PLAA: variants seen among roughly 807,000 people sequenced by gnomAD.
PLAA encodes phospholipase A-2-activating protein.
PLAA carries 48 observed loss-of-function variants against 84.1 expected under a neutral mutation model. That is an observed-to-expected ratio of 0.57 (90% CI 0.45 to 0.73). The LOEUF is 0.73. Among genes scored for constraint, PLAA ranks in the 30% least tolerant of loss-of-function variants. The probability of loss-of-function intolerance (pLI) is 0.00; values close to 1 mark genes in which losing one functional copy is unlikely to be tolerated. For synonymous variants in PLAA, 392 were observed against 336.6 expected, an observed-to-expected ratio of 1.16 and a Z score of -1.80; for missense variants, 903 against 954.7, an observed-to-expected ratio of 0.95 and a Z score of 0.71.
In PLAA at chr9:26,923,167, A is replaced by C; in HGVS notation, c.1039+11T>G. 3 of 1,568,530 alleles carry C rather than the reference A, an allele frequency of 1.9e-6. No individual in the cohort carries two copies. The highest frequency in any genetic ancestry group is 1.4e-5 in the African/African-American group (1 of 73,552). ...GTGAATTTTTTCTACTAGGTACAAT[A>C]AAATACTTACCAGGTTCATTAAGAT... On this transcript the variant is annotated intron_variant, in intron 7 of 13. Transcript: ENST00000397292.
chr9:26,908,091 T>A, intron 12 of PLAA, 93 bp from the exon 13 acceptor site: 1 of 865,528 alleles, frequency 1.2e-6, no homozygotes, highest in East Asian at 2.5e-5. Flanking sequence ...TACTCTAGTG[T>A]ACACCATGGG....
rs1384407127 is a variant in PLAA, at chr9:26,905,618, G to C, written c.2281C>G (p.Gln761Glu). 1.9e-6 allele frequency: 3 copies of C among 1,613,880 alleles called. No homozygotes were observed. The African/African-American group carries it at 4.0e-5, about 22-fold the overall frequency. The change falls in exon 14 of 14, where the codon CAA becomes GAA. Residue 761 changes from glutamine to glutamate, a missense_variant. By Grantham distance (29) the Gln-to-Glu change is conservative. Transcript: ENST00000397292. ...TCAACACCTAAAGACTTGGCTAATTGTACAGCATTTGAATCATCACTGATA... is the reference window on the plus strand; with the variant it reads ...TCAACACCTAAAGACTTGGCTAATTCTACAGCATTTGAATCATCACTGATA... The part of the protein sequence containing the change: ...TLISDDSNAV[Q>E]LAKSLGVDSQ...
chr9:26,941,291 G>A (rs1825531610), intron 1 of PLAA, among the ~76,000 whole-genome samples: 1 of 151,838 alleles, frequency 6.6e-6, no homozygotes, highest in Non-Finnish European at 1.5e-5. Flanking sequence ...TTTGAATGGG[G>A]GGACATAAGG....
At chr9:26,925,089 G>A (rs767198018) in intron 6 of PLAA, among the ~76,000 whole-genome samples, 2 of 152,080 alleles carry the variant, frequency 1.3e-5, no homozygotes, top group Non-Finnish European at 2.9e-5. Flanking sequence ...TTTTCCTTCT[G>A]GATTATCTCA....
chr9:26,942,877 CAAAAA>C (rs34134451), intron 1 of PLAA, among the ~76,000 whole-genome samples: 53 of 51,342 alleles, frequency 1.0e-3, no homozygotes, highest in African/African-American at 2.5e-3. Context: ...AGACTCGTCT[CAAAAA>C]AAAAAAAAAA....
At chr9:26,937,221 TA>T (rs1350065104) in intron 1 of PLAA, among the ~76,000 whole-genome samples, 20 of 152,094 alleles carry the variant, frequency 1.3e-4, no homozygotes, top group African/African-American at 3.4e-4. Flanking sequence ...TAATAAAGAC[TA>T]AGATATTCAA....
chr9:26,931,301 A>G (rs886949076), intron 2 of PLAA, among the ~76,000 whole-genome samples: 1 of 152,248 alleles, frequency 6.6e-6, no homozygotes, highest in African/African-American at 2.4e-5. Context: ...ATCTATACAG[A>G]AAAGTCTTGG....
Position 26,906,091 on chromosome 9 carries a change from A to T in PLAA, c.1823-15T>A, listed in dbSNP as rs1014300313. The T allele has an allele frequency of 6.9e-7, 1 of 1,440,206 alleles. No homozygotes were observed. Among genetic ancestry groups the T allele is most frequent in the African/African-American group, 1.4e-5 (1 of 70,104 alleles). 89.2% of individuals were successfully genotyped at this position (1,440,206 alleles called of 1,614,324 possible). A position where few individuals can be genotyped will look rare whatever the true frequency, so the allele number is the denominator to read the frequency against. ...AAAGACAATATCTATTAAAAAAAAAAAGTCATTAATGCTTATGAAAATAAA... is the reference window on the plus strand; with the variant it reads ...AAAGACAATATCTATTAAAAAAAAATAGTCATTAATGCTTATGAAAATAAA... On this transcript the variant is annotated splice_polypyrimidine_tract_variant and intron_variant, in intron 13 of 13. Coordinates refer to ENST00000397292, the MANE Select transcript of PLAA (RefSeq NM_001031689.3).
intron 8 of PLAA, 141 bp downstream of exon 8, chr9:26,920,086 G>C (rs770254781): frequency 1.6e-6 from 1 of 620,266 alleles, no homozygotes; most frequent in Non-Finnish European, 2.7e-6. Flanking sequence ...TTTCAAGACA[G>C]GGAAAAAAAA....
chr9:26,905,711 T>C lies in PLAA; in HGVS notation c.2188A>G (p.Ser730Gly), dbSNP rs1233575775. Residue 730 changes from serine (S) to glycine (G), a missense_variant, in exon 14 of 14, where the codon AGC becomes GGC. By Grantham distance (56) the Ser-to-Gly change is moderately conservative (BLOSUM62 0). Transcript: ENST00000397292. ...EGKAQCLSLI[S>G]TILEVVQDLE... ...TCTTGTACTACTTCCAAGATTGTGC[T>C]AATTAGTGACAAACATTGGGCTTTC... 1.2e-6 allele frequency: 2 copies of C among 1,614,088 alleles called. No individual in the cohort carries two copies. Among genetic ancestry groups the C allele is most frequent in the Non-Finnish European group, 1.7e-6 (2 of 1,180,002 alleles).
chr9:26,916,207 T>C (rs953424658), intron 10 of PLAA: 9 of 985,282 alleles, frequency 9.1e-6, no homozygotes, highest in African/African-American at 1.7e-5. Context: ...GAGAGGACTG[T>C]AGGTTGTCAT....
At chr9:26,921,161 T>C (rs1431963996) in intron 7 of PLAA, among the ~76,000 whole-genome samples, 1 of 152,176 alleles carries the variant, frequency 6.6e-6, no homozygotes. Context: ...GCCTTTGTAT[T>C]AGCTGTTTAT....
chr9:26,930,146 C>T (rs1825133749), intron 2 of PLAA, among the ~76,000 whole-genome samples: 2 of 151,032 alleles, frequency 1.3e-5, no homozygotes, highest in Admixed American at 1.3e-4. Flanking sequence ...GCTCTGTCGC[C>T]CAGGCTGGAG....
chr9:26,923,337 T>C lies in PLAA; in HGVS notation c.880A>G (p.Ile294Val), dbSNP rs367969042. 1.2e-6 allele frequency: 2 copies of C among 1,606,370 alleles called. No individual in the cohort carries two copies. Among genetic ancestry groups the C allele is most frequent in the African/African-American group, 2.7e-5 (2 of 74,708 alleles). ...DIVVGASDGIIRVFTESEDRT... is the reference protein window; with the variant it reads ...DIVVGASDGIVRVFTESEDRT... ...TCTTCTGATTCTGTAAACACTCTAA[T>C]AATGCCATCACTGTAAGGAAAAATA... The change falls in exon 7 of 14, where the codon ATT becomes GTT. Residue 294 changes from isoleucine (I) to valine (V), a missense_variant. By Grantham distance (29) the Ile-to-Val change is conservative (BLOSUM62 3). Transcript: ENST00000397292.
chr9:26,911,535 A>G (rs757417108), intron 11 of PLAA, among the ~76,000 whole-genome samples: 10 of 152,026 alleles, frequency 6.6e-5, no homozygotes, highest in Admixed American at 3.9e-4. Flanking sequence ...TGATCCGCTC[A>G]CCTCAGCCTC....
chr9:26,933,193 G>A (rs549602637), intron 2 of PLAA, among the ~76,000 whole-genome samples: 3 of 152,106 alleles, frequency 2.0e-5, no homozygotes, highest in African/African-American at 4.8e-5. Flanking sequence ...GCTTGAACCC[G>A]GGAGGCAGAC....
At chr9:26,915,419 T>C (rs1824517644) in intron 10 of PLAA, among the ~76,000 whole-genome samples, 1 of 152,174 alleles carries the variant, frequency 6.6e-6, no homozygotes, top group South Asian at 2.1e-4. Context: ...GTTTAAGGAC[T>C]GCATAAATTA....
chr9:26,908,569 G>A (rs1183765094), intron 12 of PLAA, among the ~76,000 whole-genome samples: 3 of 150,470 alleles, frequency 2.0e-5, no homozygotes, highest in Non-Finnish European at 3.0e-5. Flanking sequence ...ATTTTCAAGC[G>A]ATTCTCCTGC....
intron 4 of PLAA, among the ~76,000 whole-genome samples, chr9:26,927,106 A>G (rs1374104703): frequency 6.9e-6 from 1 of 144,300 alleles, no homozygotes; most frequent in Non-Finnish European, 1.5e-5. Context: ...CTTTCCATCA[A>G]AAGATACTTT....
Sources: allele counts gnomAD v4.1 joint callset (sites outside exome capture counted in the v4.1 genomes callset), GRCh38; gene constraint gnomAD v4.1.1; transcripts MANE v1.5; gene names NCBI Gene and HGNC (gene_info 2026-07-23, HGNC 2026-07-21).